The following SNX14 variants were observed in gnomAD, a reference collection of about 807,000 sequenced individuals.
SNX14 encodes the protein sorting nexin 14.
Under a neutral mutation model 133.8 loss-of-function variants are expected in SNX14, and 93 were observed. That is an observed-to-expected ratio of 0.70 (90% confidence interval 0.59 to 0.83). The LOEUF (loss-of-function observed/expected upper bound fraction) is 0.83. Ranked by LOEUF, SNX14 falls within the 40% of genes least tolerant of loss-of-function variation. The probability of loss-of-function intolerance (pLI) is 0.00; values close to 1 mark genes in which losing one functional copy is unlikely to be tolerated. For synonymous variants in SNX14, 368 were observed against 365.6 expected, an observed-to-expected ratio of 1.01 and a Z score of -0.07; for missense variants, 945 against 1,094.9, an observed-to-expected ratio of 0.86 and a Z score of 1.93.
intron 5 of SNX14, among the ~76,000 whole-genome samples, chr6:85,567,106 A>G (rs2128174253): frequency 6.6e-6 from 1 of 152,336 alleles, no homozygotes; most frequent in African/African-American, 2.4e-5. Flanking sequence ...ACTGTATACA[A>G]AATTATTAAA....
At chr6:85,508,510 G>T in intron 26 of SNX14, 1 of 369,688 alleles carries the variant, frequency 2.7e-6, no homozygotes, top group Non-Finnish European at 3.7e-6. Flanking sequence ...CCAGTGGGCA[G>T]AAGATAGCTT....
At position 85,526,231 on chromosome 6, in the gene SNX14, G is replaced by A; in HGVS notation, c.2002C>T (p.Leu668=). ...CTATTACTCAGTTCTGGATGCTGCA[G>A]AAGTTTCTTGAATGAACAAAAAAAA... The part of the protein sequence containing the change: ...EEFQEYLQKL[L]QHPELSNSQL... Residue 668 remains leucine (L), a synonymous_variant, in exon 21 of 29, where the codon CTG becomes TTG. Transcript: ENST00000314673. 6.3e-7 allele frequency: 1 copy of A among 1,588,584 alleles called. No homozygotes were observed. The highest frequency in any genetic ancestry group is 8.6e-7 in the Non-Finnish European group (1 of 1,168,862).
In SNX14 at chr6:85,518,061, G is replaced by A. The variant is rs1775659437; in HGVS notation, c.2108-13C>T. On this transcript the variant is annotated splice_polypyrimidine_tract_variant and intron_variant, in intron 21 of 28. Coordinates refer to ENST00000314673, the MANE Select transcript of SNX14 (RefSeq NM_153816.6). ...TTTATAATTTTCCCTGCAATTAAAA[G>A]TAAAACATTATTTTAGGAAGGCATA... 2 of 1,593,950 alleles carry A rather than the reference G, an allele frequency of 1.3e-6. No homozygotes were observed. The highest frequency in any genetic ancestry group is 1.7e-6 in the Non-Finnish European group (2 of 1,167,140).
intron 4 of SNX14, among the ~76,000 whole-genome samples, chr6:85,570,206 C>A (rs1239762661): frequency 6.6e-6 from 1 of 152,184 alleles, no homozygotes; most frequent in African/African-American, 2.4e-5. Flanking sequence ...TCACTAGGGC[C>A]TAGCCCAGTT....
chr6:85,555,143 T>C (rs1290203940), intron 7 of SNX14, among the ~76,000 whole-genome samples: 2 of 152,092 alleles, frequency 1.3e-5, no homozygotes, highest in African/African-American at 2.4e-5. Context: ...ACAAAGCAAT[T>C]TGGGGATTTT....
chr6:85,516,280 T>C (rs867932332), intron 23 of SNX14, among the ~76,000 whole-genome samples: 1 of 151,404 alleles, frequency 6.6e-6, no homozygotes, highest in Non-Finnish European at 1.5e-5. Context: ...AATATTTTAA[T>C]AAACACCTTT....
rs1489656121 is a variant in SNX14 at position 85,543,757 on chromosome 6, T to C, written c.1112A>G (p.Glu371Gly). ...TGGTCGTAAAATTCTATCATTAAAT[T>C]CCTCTAACAAATGAGGGAATGAATA... ...HVLQFCLTVE[E>G]FNDRILRPEL... The change falls in exon 13 of 29, where the codon GAA becomes GGA. Residue 371 changes from glutamate (E) to glycine (G), a missense_variant. Physicochemically the swap from Glu to Gly is moderately conservative, Grantham distance 98. Coordinates refer to ENST00000314673, the MANE Select transcript of SNX14 (RefSeq NM_153816.6). The C allele has an allele frequency of 2.2e-5, 34 of 1,533,718 alleles. No homozygotes were observed. The highest frequency in any genetic ancestry group is 2.9e-5 in the Non-Finnish European group (33 of 1,138,376).
intron 26 of SNX14, among the ~76,000 whole-genome samples, chr6:85,510,276 CAT>C (rs1022279009): frequency 7.2e-5 from 11 of 152,180 alleles, no homozygotes; most frequent in Non-Finnish European, 1.5e-4. Context: ...GAGAATTCCA[CAT>C]GTTCACCAGC....
intron 1 of SNX14, among the ~76,000 whole-genome samples, chr6:85,592,118 AT>A (rs1185332381): frequency 6.6e-6 from 1 of 152,254 alleles, no homozygotes; most frequent in East Asian, 1.9e-4. Context: ...GCAAATAATA[AT>A]TAGTGTTCCC....
chr6:85,591,177 C>T (rs761049610), intron 1 of SNX14, among the ~76,000 whole-genome samples: 15 of 151,878 alleles, frequency 9.9e-5, no homozygotes, highest in Non-Finnish European at 1.8e-4. Context: ...CAGAAGGGCC[C>T]ATGTTTTCTT....
intron 6 of SNX14, among the ~76,000 whole-genome samples, chr6:85,564,230 A>C (rs1792941665): frequency 1.3e-5 from 2 of 152,192 alleles, no homozygotes; most frequent in Admixed American, 6.5e-5. Context: ...CGCAATAAAC[A>C]TATGTGTGCA....
chr6:85,525,875 A>G (rs1489731430), intron 21 of SNX14, among the ~76,000 whole-genome samples: 1 of 152,174 alleles, frequency 6.6e-6, no homozygotes, highest in Non-Finnish European at 1.5e-5. Context: ...ATTTAAATTT[A>G]ACAAAATAAA....
chr6:85,540,808 C>T (rs1783470714), intron 15 of SNX14, among the ~76,000 whole-genome samples: 1 of 152,084 alleles, frequency 6.6e-6, no homozygotes, highest in Non-Finnish European at 1.5e-5. Context: ...GACTTATCTA[C>T]TTTTCTCTTT....
chr6:85,519,210 A>G (rs922232191), intron 21 of SNX14, among the ~76,000 whole-genome samples: 2 of 152,210 alleles, frequency 1.3e-5, no homozygotes, highest in African/African-American at 4.8e-5. Context: ...CAAACACTAA[A>G]TATTTTGACT....
intron 15 of SNX14, among the ~76,000 whole-genome samples, chr6:85,541,763 A>T (rs944948248): frequency 1.3e-4 from 20 of 152,240 alleles, no homozygotes; most frequent in Non-Finnish European, 2.4e-4. Context: ...TATGAGATTA[A>T]CAAGGCCACA....
intron 19 of SNX14, among the ~76,000 whole-genome samples, chr6:85,529,056 A>G (rs1779385433): frequency 6.6e-6 from 1 of 151,476 alleles, no homozygotes; most frequent in African/African-American, 2.4e-5. Flanking sequence ...ACCTCAGAAA[A>G]AAAAAAAAAA....
At chr6:85,587,505 T>C (rs1801314247) in intron 1 of SNX14, among the ~76,000 whole-genome samples, 3 of 152,164 alleles carry the variant, frequency 2.0e-5, no homozygotes, top group African/African-American at 7.2e-5. Flanking sequence ...CGCTCTGTCA[T>C]CCCAGGCTGG....
At chr6:85,543,797 T>C (rs1470725126) in intron 12 of SNX14, 37 bp from the exon 13 acceptor site, 1 of 1,271,346 alleles carries the variant, frequency 7.9e-7, no homozygotes, top group East Asian at 2.8e-5. Context: ...AAAATAATTT[T>C]AATATATAAT....
chr6:85,533,345 T>G (rs116239156), intron 18 of SNX14, among the ~76,000 whole-genome samples: 1 of 152,224 alleles, frequency 6.6e-6, no homozygotes, highest in Non-Finnish European at 1.5e-5. Context: ...GAACATTGCA[T>G]TGAATGCCTG....
Sources: allele counts gnomAD v4.1 joint callset (sites outside exome capture counted in the v4.1 genomes callset), GRCh38; gene constraint gnomAD v4.1.1; transcripts MANE v1.5; gene names NCBI Gene and HGNC (gene_info 2026-07-23, HGNC 2026-07-21).